Variants in GRM1 observed in about 807,000 individuals in gnomAD.
GRM1 encodes metabotropic glutamate receptor 1.
GRM1 carries 33 observed loss-of-function variants against 90.9 expected under a neutral mutation model. The observed-to-expected ratio is 0.36, with a 90% confidence interval of 0.28 to 0.49. The LOEUF is 0.49. Among genes scored for constraint, GRM1 ranks in the 20% least tolerant of loss-of-function variants. The probability of loss-of-function intolerance (pLI) is 0.99; values close to 1 mark genes in which losing one functional copy is unlikely to be tolerated. For missense variants in GRM1, 1,190 were observed against 1,534.3 expected (o/e 0.78, Z 3.75); for synonymous variants, 700 against 613.2 (o/e 1.14, Z -2.09).
rs182878014 is a variant in GRM1 at position 146,172,589 on chromosome 6, A to T, written c.950+12992A>T. Among the ~76,000 whole-genome samples, 6 of 152,204 alleles carry T rather than the reference A, an allele frequency of 3.9e-5. No homozygotes were observed. The East Asian group carries it at 1.2e-3, about 29-fold the overall frequency. On this transcript the variant is annotated intron_variant, in intron 2 of 7. Coordinates refer to ENST00000282753, the MANE Select transcript of GRM1 (RefSeq NM_001278064.2). ...GGTAGAGGAGTGAGGGAGCCTTAAG[A>T]GATTGGTAGATTGAGGGAAGAACTT...
intron 1 of GRM1, among the ~76,000 whole-genome samples, chr6:146,150,103 A>G (rs1001079111): frequency 1.3e-5 from 2 of 152,144 alleles, no homozygotes; most frequent in African/African-American, 4.8e-5. Context: ...AAACAAATTA[A>G]AAGGCTGCCA....
At chr6:146,340,002 G>A (rs1196409183) in intron 3 of GRM1, among the ~76,000 whole-genome samples, 1 of 152,190 alleles carries the variant, frequency 6.6e-6, no homozygotes, top group Non-Finnish European at 1.5e-5. Flanking sequence ...TTTGTATGCT[G>A]TTTCAGTTTA....
At chr6:146,347,757 A>G (rs1253243687) in intron 3 of GRM1, among the ~76,000 whole-genome samples, 1 of 152,228 alleles carries the variant, frequency 6.6e-6, no homozygotes, top group African/African-American at 2.4e-5. Flanking sequence ...TTTTTGACCT[A>G]TAAAGATTTC....
intron 7 of GRM1, among the ~76,000 whole-genome samples, chr6:146,411,698 CA>C (rs1373029429): frequency 1.3e-5 from 2 of 152,100 alleles, no homozygotes; most frequent in East Asian, 3.9e-4. Flanking sequence ...GGGACGAAGA[CA>C]GTGAACAAAG....
intron 5 of GRM1, among the ~76,000 whole-genome samples, chr6:146,359,159 A>G (rs575442011): frequency 1.3e-5 from 2 of 152,280 alleles, no homozygotes; most frequent in African/African-American, 4.8e-5. Flanking sequence ...TAAAAGTAGT[A>G]TGTATGGGCT....
At chr6:146,390,869 A>G (rs1047769238) in intron 6 of GRM1, among the ~76,000 whole-genome samples, 2 of 152,076 alleles carry the variant, frequency 1.3e-5, no homozygotes, top group Admixed American at 1.3e-4. Context: ...TCAGATAAAT[A>G]TGGAGCGGCT....
At chr6:146,246,817 T>C (rs1781076060) in intron 2 of GRM1, among the ~76,000 whole-genome samples, 1 of 152,194 alleles carries the variant, frequency 6.6e-6, no homozygotes, top group Non-Finnish European at 1.5e-5. Flanking sequence ...ATAAAAGTTT[T>C]TGAGCTAACA....
chr6:146,071,926 A>G (rs1390767806), intron 1 of GRM1, among the ~76,000 whole-genome samples: 2 of 152,162 alleles, frequency 1.3e-5, no homozygotes, highest in Non-Finnish European at 2.9e-5. Context: ...TCTGGAAACA[A>G]ATTAACAGCT....
intron 1 of GRM1, among the ~76,000 whole-genome samples, chr6:146,142,185 A>G (rs1485088737): frequency 2.0e-5 from 3 of 152,346 alleles, no homozygotes; most frequent in Middle Eastern, 3.4e-3. Flanking sequence ...CGTCTTGGAT[A>G]AGATTTGGAA....
chr6:146,060,309 A>G (rs2144478), intron 1 of GRM1, among the ~76,000 whole-genome samples: 66,311 of 151,608 alleles, frequency 0.44, 14,770 homozygotes, highest in Middle Eastern at 0.53. Flanking sequence ...GGTAAATGGC[A>G]TGCTGTGGGA....
At chr6:146,039,811 G>T (rs915380720) in intron 1 of GRM1, among the ~76,000 whole-genome samples, 25 of 151,872 alleles carry the variant, frequency 1.6e-4, no homozygotes, top group African/African-American at 4.8e-4. Flanking sequence ...TTGGTTATGA[G>T]AATCAAGGAA....
intron 6 of GRM1, among the ~76,000 whole-genome samples, chr6:146,396,856 T>C (rs922539398): frequency 2.0e-5 from 3 of 152,216 alleles, no homozygotes; most frequent in African/African-American, 7.2e-5. Flanking sequence ...TGACTTAATA[T>C]ATAAAGATAC....
At chr6:146,168,214 G>C (rs527865175) in intron 2 of GRM1, among the ~76,000 whole-genome samples, 81 of 151,808 alleles carry the variant, frequency 5.3e-4, no homozygotes, top group Admixed American at 1.3e-3. Flanking sequence ...TGAATTTTTA[G>C]CATTCAATTT....
intron 2 of GRM1, among the ~76,000 whole-genome samples, chr6:146,199,448 A>C (rs962603090): frequency 2.6e-5 from 4 of 152,194 alleles, no homozygotes; most frequent in Non-Finnish European, 5.9e-5. Flanking sequence ...TCAGCCTTAA[A>C]TTATTACCCT....
intron 1 of GRM1, among the ~76,000 whole-genome samples, chr6:146,036,914 CAAT>C (rs1790910895): frequency 6.6e-6 from 1 of 151,532 alleles, no homozygotes; most frequent in Admixed American, 6.6e-5. Flanking sequence ...TAATAAAAAT[CAAT>C]AATAATAACT....
At chr6:146,369,523 A>G (rs906573125) in intron 5 of GRM1, among the ~76,000 whole-genome samples, 1 of 151,282 alleles carries the variant, frequency 6.6e-6, no homozygotes, top group African/African-American at 2.4e-5. Flanking sequence ...TTGTGTTTCC[A>G]CCTTTATTTG....
At chr6:146,080,158 G>A (rs1231460791) in intron 1 of GRM1, among the ~76,000 whole-genome samples, 1 of 152,184 alleles carries the variant, frequency 6.6e-6, no homozygotes, top group East Asian at 1.9e-4. Context: ...TGGGGATGGT[G>A]ATTTGACTCT....
chr6:146,055,369 A>G (rs1407947460), intron 1 of GRM1, among the ~76,000 whole-genome samples: 4 of 152,156 alleles, frequency 2.6e-5, no homozygotes. Context: ...ATTTGAAATA[A>G]CTAACCACAC....
intron 1 of GRM1, among the ~76,000 whole-genome samples, chr6:146,141,477 C>T (rs1562489083): frequency 1.3e-5 from 2 of 152,112 alleles, no homozygotes; most frequent in African/African-American, 4.8e-5. Context: ...AAACTTTCTA[C>T]ACATATCTCT....
Sources: allele counts gnomAD v4.1 joint callset (sites outside exome capture counted in the v4.1 genomes callset), GRCh38; gene constraint gnomAD v4.1.1; transcripts MANE v1.5; gene names NCBI Gene and HGNC (gene_info 2026-07-23, HGNC 2026-07-21).